PCDHGA2: variants seen among roughly 807,000 people sequenced by gnomAD.
PCDHGA2 encodes protocadherin gamma subfamily A, 2.
Under a neutral mutation model 59.2 loss-of-function variants are expected in PCDHGA2, and 40 were observed. The observed-to-expected ratio is 0.68, with a 90% CI of 0.52 to 0.88. The LOEUF is 0.88. Among genes scored for constraint, PCDHGA2 ranks in the 40% least tolerant of loss-of-function variants. The probability of loss-of-function intolerance (pLI) is 0.00; values close to 1 mark genes in which losing one functional copy is unlikely to be tolerated. For missense variants in PCDHGA2, 1,226 were observed against 1,204.0 expected, an observed-to-expected ratio of 1.02 and a Z score of -0.27; for synonymous variants, 560 against 526.0, an observed-to-expected ratio of 1.06 and a Z score of -0.89.
intron 2 of PCDHGA2, 142 bp downstream of exon 2, chr5:141,495,007 G>C (rs2099758216): frequency 2.0e-6 from 3 of 1,522,276 alleles, no homozygotes; most frequent in Non-Finnish European, 8.8e-7. Flanking sequence ...TTGGTGTGCG[G>C]GGGGCTGGCA....
intron 1 of PCDHGA2, chr5:141,394,899 G>A: frequency 6.2e-7 from 1 of 1,613,804 alleles, no homozygotes; most frequent in Admixed American, 1.7e-5. Context: ...TCTCGTGGTG[G>A]CAGTGGCTGC....
At chr5:141,350,650 C>G in intron 1 of PCDHGA2, 9 of 1,614,020 alleles carry the variant, frequency 5.6e-6, no homozygotes, top group Non-Finnish European at 6.8e-6. Context: ...CACCACGTTT[C>G]GTTGCAAAAG....
At chr5:141,458,870 C>G (rs540373442) in intron 1 of PCDHGA2, among the ~76,000 whole-genome samples, 1 of 152,264 alleles carries the variant, frequency 6.6e-6, no homozygotes, top group South Asian at 2.1e-4. Flanking sequence ...GTAGCTGGGA[C>G]TACAGGCATG....
intron 1 of PCDHGA2, chr5:141,402,889 G>A: frequency 1.3e-6 from 2 of 1,493,808 alleles, no homozygotes; most frequent in South Asian, 1.4e-5. Context: ...CAGGGTGGAA[G>A]AAAGAACCTG....
chr5:141,338,813 C>A lies in PCDHGA2; in HGVS notation c.-159C>A. 2.9e-6 allele frequency: 4 copies of A among 1,385,428 alleles called. No individual in the cohort carries two copies. The highest frequency in any genetic ancestry group is 3.7e-6 in the Non-Finnish European group (4 of 1,074,762). The allele number at this position is 1,385,428 out of a possible 1,614,324, so 85.8% of individuals were successfully genotyped here. A position where few individuals can be genotyped will look rare whatever the true frequency, so the allele number is the denominator to read the frequency against. Reference sequence around the variant, plus strand: ...AGGGGGTGGAGGTTTGGCCCTAAAGCTTCAGGACACCAAAGAAATTCAGTC... The same window carrying A: ...AGGGGGTGGAGGTTTGGCCCTAAAGATTCAGGACACCAAAGAAATTCAGTC... On this transcript the variant is annotated 5_prime_UTR_variant, in exon 1 of 4. Coordinates refer to ENST00000394576, the MANE Select transcript of PCDHGA2 (RefSeq NM_018915.4).
At chr5:141,509,823 TTCTC>T (rs2099878456) in intron 3 of PCDHGA2, among the ~76,000 whole-genome samples, 1 of 152,170 alleles carries the variant, frequency 6.6e-6, no homozygotes, top group Non-Finnish European at 1.5e-5. Flanking sequence ...CTTCTCCATC[TTCTC>T]TCTACCTCCC....
chr5:141,341,117 C>A lies in PCDHGA2; in HGVS notation c.2146C>A (p.Leu716Met). Residue 716 changes from leucine (L) to methionine (M), a missense_variant, in exon 1 of 4, where the codon CTG (leucine) becomes ATG (methionine). By Grantham distance (15) the Leu-to-Met change is conservative. Transcript: ENST00000394576. Reference sequence around the variant, plus strand: ...CGTCATCGTGTTGCTGGCGCACAGGCTGCGGCGCTGGCACAAGTCACGCCT... The same window carrying A: ...CGTCATCGTGTTGCTGGCGCACAGGATGCGGCGCTGGCACAAGTCACGCCT... ...AFVIVLLAHR[L>M]RRWHKSRLLQ... is the part of the protein sequence containing the mutation. 1 of 1,614,242 alleles carries A rather than the reference C, an allele frequency of 6.2e-7. No homozygotes were observed. Among genetic ancestry groups the A allele is most frequent in the Non-Finnish European group, 8.5e-7 (1 of 1,180,050 alleles).
chr5:141,389,233 T>C (rs1374129511), intron 1 of PCDHGA2: 1 of 1,613,926 alleles, frequency 6.2e-7, no homozygotes, highest in Non-Finnish European at 8.5e-7. Context: ...GCTCCGGTTT[T>C]CTCACAGTCT....
At chr5:141,470,059 G>A (rs1206799372) in intron 1 of PCDHGA2, among the ~76,000 whole-genome samples, 6 of 152,186 alleles carry the variant, frequency 3.9e-5, no homozygotes, top group African/African-American at 1.4e-4. Context: ...AACCCCGGAG[G>A]CAGAGACTGT....
In PCDHGA2 at chr5:141,339,208, G is replaced by A; in HGVS notation, c.237G>A (p.Pro79=). Residue 79 remains proline, a synonymous_variant, in exon 1 of 4, where the codon CCG becomes CCA. Transcript: ENST00000394576. ...GGTCCCAGCTCTTTGCTCTGAACCC[G>A]CGAAGCGGCAGCTTGGTCACTGCGA... ...RGRSQLFALN[P]RSGSLVTANR... The A allele has an allele frequency of 6.2e-7, 1 of 1,614,106 alleles. No homozygotes were observed. The highest frequency in any genetic ancestry group is 8.5e-7 in the Non-Finnish European group (1 of 1,179,946).
chr5:141,489,397 G>T lies in PCDHGA2; in HGVS notation c.2425-5410G>T. ...GGTGGGGAATGTTGCTCAGGATCTG[G>T]GCTTAAAGATGACAGATCTGTTGAG... On this transcript the variant is annotated intron_variant, in intron 1 of 3. Coordinates refer to ENST00000394576, the MANE Select transcript of PCDHGA2 (RefSeq NM_018915.4). The surrounding 1 kb of genome is among the most constrained non-coding windows in gnomAD (Gnocchi z 4.5). 2 of 1,614,176 alleles carry T rather than the reference G, an allele frequency of 1.2e-6. No individual in the cohort carries two copies. Among genetic ancestry groups the T allele is most frequent in the Non-Finnish European group, 1.7e-6 (2 of 1,180,038 alleles).
Position 141,432,812 on chromosome 5 carries a change from G to A in PCDHGA2, c.2425-61995G>A, listed in dbSNP as rs753429933. ...CAGCCTCGAGTCTCCAGCTAACTCT[G>A]AAACCTCAGACCTCACTCTGTACCT... On this transcript the variant is annotated intron_variant, in intron 1 of 3. Coordinates refer to ENST00000394576, the MANE Select transcript of PCDHGA2 (RefSeq NM_018915.4). This position sits in a 1 kb window ranked among gnomAD's most constrained non-coding sequence, Gnocchi z 6.0. 1.2e-6 allele frequency: 2 copies of A among 1,614,176 alleles called. No homozygotes were observed. Among genetic ancestry groups the A allele is most frequent in the Non-Finnish European group, 1.7e-6 (2 of 1,180,014 alleles).
intron 1 of PCDHGA2, among the ~76,000 whole-genome samples, chr5:141,434,567 C>T (rs1220152239): frequency 6.6e-6 from 1 of 152,206 alleles, no homozygotes; most frequent in East Asian, 1.9e-4. Flanking sequence ...TAAGGACATG[C>T]CCCTGCTGCA....
At chr5:141,404,381 T>A (rs762394525) in intron 1 of PCDHGA2, 5 of 1,613,954 alleles carry the variant, frequency 3.1e-6, no homozygotes, top group Middle Eastern at 1.6e-4. Context: ...CGTGATTGCC[T>A]ATGACCCTGA....
chr5:141,460,277 A>C (rs2154566827), intron 1 of PCDHGA2, among the ~76,000 whole-genome samples: 1 of 152,124 alleles, frequency 6.6e-6, no homozygotes, highest in African/African-American at 2.4e-5. Context: ...TTTCTTTTAT[A>C]GTTTGTATTT....
Position 141,489,391 on chromosome 5 carries a change from G to C in PCDHGA2, c.2425-5416G>C. 6.2e-7 allele frequency: 1 copy of C among 1,614,174 alleles called. No individual in the cohort carries two copies. The highest frequency in any genetic ancestry group is 8.5e-7 in the Non-Finnish European group (1 of 1,180,022). ...GACGCTGGTGGGGAATGTTGCTCAG[G>C]ATCTGGGCTTAAAGATGACAGATCT... On this transcript the variant is annotated intron_variant, in intron 1 of 3. Transcript: ENST00000394576. This position sits in a 1 kb window ranked among gnomAD's most constrained non-coding sequence, Gnocchi z 4.5.
rs141959335 is a variant in PCDHGA2, at chr5:141,491,261, T to C, written c.2425-3546T>C. On this transcript the variant is annotated intron_variant, in intron 1 of 3. Transcript: ENST00000394576. This position sits in a 1 kb window ranked among gnomAD's most constrained non-coding sequence, Gnocchi z 6.9. Reference sequence around the variant, plus strand: ...CTGGAGGATGAGGACCCTGAGGAAATGCCCAAATCCAGTGACTTCCTCATA... The same window carrying C: ...CTGGAGGATGAGGACCCTGAGGAAACGCCCAAATCCAGTGACTTCCTCATA... 104 of 1,614,044 alleles carry C rather than the reference T, an allele frequency of 6.4e-5. No individual in the cohort carries two copies. Among genetic ancestry groups the C allele is most frequent in the Non-Finnish European group, 8.1e-5 (95 of 1,180,028 alleles).
At chr5:141,442,848 T>C (rs1210778801) in intron 1 of PCDHGA2, among the ~76,000 whole-genome samples, 2 of 152,236 alleles carry the variant, frequency 1.3e-5, no homozygotes, top group Non-Finnish European at 2.9e-5. Context: ...ATCTTGGCCA[T>C]TGTAGTATGA....
chr5:141,376,111 C>A, intron 1 of PCDHGA2: 1 of 1,613,822 alleles, frequency 6.2e-7, no homozygotes, highest in Non-Finnish European at 8.5e-7. Flanking sequence ...CCGACCTGGG[C>A]AGCCTCGAGC....
Sources: allele counts gnomAD v4.1 joint callset (sites outside exome capture counted in the v4.1 genomes callset), GRCh38; gene constraint gnomAD v4.1.1; non-coding constraint Gnocchi (gnomAD v3.1); transcripts MANE v1.5; gene names NCBI Gene and HGNC (gene_info 2026-07-23, HGNC 2026-07-21).